Variants in SLC45A4 observed in about 807,000 individuals in gnomAD.
SLC45A4 encodes the protein polyamine-transporter SLC45A4.
SLC45A4 carries 32 observed loss-of-function variants against 63.7 expected under a neutral mutation model. The ratio of observed to expected loss-of-function variants is 0.50; its 90% CI spans 0.38 to 0.67. The LOEUF is 0.67. Ranked by LOEUF, SLC45A4 falls within the 30% of genes least tolerant of loss-of-function variation. The probability of loss-of-function intolerance (pLI) is 0.00; values close to 1 mark genes in which losing one functional copy is unlikely to be tolerated. For missense variants in SLC45A4, 1,027 were observed against 1,157.7 expected (o/e 0.89, Z 1.64); for synonymous variants, 535 against 510.0 (o/e 1.05, Z -0.66).
intron 1 of SLC45A4, among the ~76,000 whole-genome samples, chr8:141,301,369 C>A (rs904294122): frequency 1.3e-5 from 2 of 152,130 alleles, no homozygotes; most frequent in African/African-American, 4.8e-5. Context: ...ATAAAACATT[C>A]TTCTGGATGT....
At chr8:141,212,118 GC>G in intron 8 of SLC45A4, 78 bp downstream of exon 8, 1 of 1,434,234 alleles carries the variant, frequency 7.0e-7, no homozygotes, top group Non-Finnish European at 9.1e-7. Flanking sequence ...CTCTGCTCCC[GC>G]CCATGGCCTG....
intron 1 of SLC45A4, among the ~76,000 whole-genome samples, chr8:141,280,526 G>A (rs931911151): frequency 6.6e-6 from 1 of 152,072 alleles, no homozygotes; most frequent in Admixed American, 6.6e-5. Flanking sequence ...AGTGGGTCAC[G>A]CGGGGCCCCT....
At chr8:141,283,137 C>T (rs545546862) in intron 1 of SLC45A4, among the ~76,000 whole-genome samples, 2 of 152,380 alleles carry the variant, frequency 1.3e-5, no homozygotes, top group South Asian at 4.1e-4. Flanking sequence ...TGTCACATCA[C>T]TGCTTCTCCT....
intron 1 of SLC45A4, among the ~76,000 whole-genome samples, chr8:141,273,361 C>G (rs1264512849): frequency 6.6e-6 from 1 of 152,194 alleles, no homozygotes; most frequent in African/African-American, 2.4e-5. Context: ...ATGCTTCTAG[C>G]CTGCGCATCC....
In SLC45A4 at chr8:141,218,698, C is replaced by T. The variant is rs574219350; in HGVS notation, c.942G>A (p.Pro314=). Residue 314 remains proline (P), a synonymous_variant, in exon 5 of 9, where the codon CCG becomes CCA. Transcript: ENST00000517878. ...RSKSDSALHV[P]DTALDLEPEL... ...CGGGCTCCAGGTCCAGCGCGGTGTCCGGCACGTGCAATGCCGAGTCGCTTT... is the reference window on the plus strand; with the variant it reads ...CGGGCTCCAGGTCCAGCGCGGTGTCTGGCACGTGCAATGCCGAGTCGCTTT... The T allele has an allele frequency of 4.0e-5, 65 of 1,612,724 alleles. No individual in the cohort carries two copies. The highest frequency in any genetic ancestry group is 2.1e-4 in the African/African-American group (16 of 75,008).
intron 8 of SLC45A4, 57 bp downstream of exon 8, chr8:141,212,140 C>CCCA: frequency 9.1e-7 from 1 of 1,104,106 alleles, no homozygotes; most frequent in South Asian, 4.4e-5. Context: ...GCCCCGCCGC[C>CCCA]CGCCCGCCCG....
chr8:141,252,245 AGGGCC>A (rs1195547697), intron 2 of SLC45A4: 1 of 152,168 alleles, frequency 6.6e-6, no homozygotes, highest in East Asian at 1.9e-4. Flanking sequence ...CAAAATTTTT[AGGGCC>A]CAAGACACTC....
At chr8:141,228,457 C>A in intron 2 of SLC45A4, 1 of 1,373,734 alleles carries the variant, frequency 7.3e-7, no homozygotes, top group Non-Finnish European at 9.4e-7. Context: ...GTCTCAGGGC[C>A]GACCCTGTGT....
In SLC45A4 at chr8:141,211,322, C is replaced by T. The variant is rs1825791748; in HGVS notation, c.*250G>A. On this transcript the variant is annotated 3_prime_UTR_variant, in exon 9 of 9. Coordinates refer to ENST00000517878, the MANE Select transcript of SLC45A4 (RefSeq NM_001286646.2). ...CCTTCAGACGGGACGAGCGGGGTCA[C>T]ATGGCTGGGCGCAGACACACTCACA... 1.6e-6 allele frequency: 2 copies of T among 1,236,290 alleles called. No individual in the cohort carries two copies. Among genetic ancestry groups the T allele is most frequent in the Non-Finnish European group, 2.2e-6 (2 of 918,946 alleles). 76.6% of individuals were successfully genotyped at this position (1,236,290 alleles called of 1,614,324 possible).
rs553430045 is a variant in SLC45A4, at chr8:141,211,543, C to T, written c.*29G>A. 45 of 1,613,166 alleles carry T rather than the reference C, an allele frequency of 2.8e-5. No homozygotes were observed. The highest frequency in any genetic ancestry group is 3.4e-5 in the Non-Finnish European group (40 of 1,179,880). The stretch of plus-strand genomic sequence containing the variant: ...TGCCCTGGGCACAATGTGTCCAACT[C>T]GCTGAGGAAAAGAAGATACGTCATT... On this transcript the variant is annotated 3_prime_UTR_variant, in exon 9 of 9. Coordinates refer to ENST00000517878, the MANE Select transcript of SLC45A4 (RefSeq NM_001286646.2).
intron 1 of SLC45A4, among the ~76,000 whole-genome samples, chr8:141,304,284 C>CAT (rs1554606185): frequency 6.6e-6 from 1 of 151,062 alleles, no homozygotes; most frequent in South Asian, 2.1e-4. Flanking sequence ...CACACACACA[C>CAT]GCAAAGGAGA....
At chr8:141,305,872 G>T (rs1009781257) in intron 1 of SLC45A4, among the ~76,000 whole-genome samples, 1 of 142,042 alleles carries the variant, frequency 7.0e-6, no homozygotes, top group Non-Finnish European at 1.6e-5. Context: ...TACCTTCCTC[G>T]GCTCCTTTCC....
At chr8:141,235,485 C>CGT (rs2154614402) in intron 2 of SLC45A4, among the ~76,000 whole-genome samples, 1 of 152,300 alleles carries the variant, frequency 6.6e-6, no homozygotes, top group Admixed American at 6.5e-5. Context: ...CAAAGACCCT[C>CGT]TGTGAACCCC....
rs1830964263 is a variant in SLC45A4, at chr8:141,308,227, T to C, written c.-532A>G. The C allele has an allele frequency of 6.8e-6, 1 of 146,150 alleles. No homozygotes were observed. Among genetic ancestry groups the C allele is most frequent in the Non-Finnish European group, 1.5e-5 (1 of 65,708 alleles). The allele number at this position is 146,150 out of a possible 1,614,324, so 9.1% of individuals were successfully genotyped here. On this transcript the variant is annotated 5_prime_UTR_variant, in exon 1 of 9. Transcript: ENST00000517878. ...GCGGGTCCGGGCGGGGGCTGCTCCC[T>C]CGGCCGGCCGGCCGGGCGGTCAGTC... is the stretch of plus-strand genomic sequence containing the variant.
At chr8:141,290,891 C>A (rs1020584669) in intron 1 of SLC45A4, among the ~76,000 whole-genome samples, 1 of 152,222 alleles carries the variant, frequency 6.6e-6, no homozygotes, top group African/African-American at 2.4e-5. Flanking sequence ...CTCTGTCACC[C>A]GGGCTGGAGT....
intron 1 of SLC45A4, among the ~76,000 whole-genome samples, chr8:141,303,784 T>C (rs1359782690): frequency 6.6e-6 from 1 of 152,234 alleles, no homozygotes; most frequent in Non-Finnish European, 1.5e-5. Context: ...TTCCTCTCAC[T>C]GCCAGCAAAA....
chr8:141,220,188 A>G (rs1826517205), intron 3 of SLC45A4, among the ~76,000 whole-genome samples: 1 of 152,212 alleles, frequency 6.6e-6, no homozygotes, highest in African/African-American at 2.4e-5. Flanking sequence ...GTCGCTAAGA[A>G]GGCCGCACAT....
At chr8:141,257,253 T>C (rs1828839573) in intron 1 of SLC45A4, among the ~76,000 whole-genome samples, 1 of 152,234 alleles carries the variant, frequency 6.6e-6, no homozygotes, top group Admixed American at 6.5e-5. Context: ...CCCCCACCTT[T>C]TCGGAATCAT....
intron 1 of SLC45A4, among the ~76,000 whole-genome samples, chr8:141,284,470 C>T (rs1830069618): frequency 6.6e-6 from 1 of 152,208 alleles, no homozygotes; most frequent in South Asian, 2.1e-4. Context: ...CGTCTGGTGT[C>T]TATAAAAAAT....
Sources: gnomAD v4.1 joint callset for allele counts (sites outside exome capture counted in the v4.1 genomes callset) on GRCh38, gnomAD v4.1.1 for gene constraint, MANE v1.5 for transcripts, NCBI Gene and HGNC (gene_info 2026-07-23, HGNC 2026-07-21) for gene names.